The following LRMDA variants were observed in gnomAD, a reference collection of about 807,000 sequenced individuals.
LRMDA encodes leucine rich melanocyte differentiation associated, also known as leucine-rich melanocyte differentiation-associated protein.
Under a neutral mutation model 29.8 loss-of-function variants are expected in LRMDA, and 18 were observed. That is an observed-to-expected ratio of 0.60 (90% CI 0.42 to 0.90). The LOEUF (loss-of-function observed/expected upper bound fraction) is 0.90. LRMDA is among the 40% of genes least tolerant of loss of function. The probability of loss-of-function intolerance (pLI) is 0.00; values close to 1 mark genes in which losing one functional copy is unlikely to be tolerated. For missense variants in LRMDA, 273 were observed against 273.9 expected (o/e 1.00, Z 0.02); for synonymous variants, 125 against 109.4 (o/e 1.14, Z -0.89).
At chr10:75,936,962 T>C (rs1297333425) in intron 2 of LRMDA, among the ~76,000 whole-genome samples, 1 of 152,236 alleles carries the variant, frequency 6.6e-6, no homozygotes, top group Non-Finnish European at 1.5e-5. Flanking sequence ...TTTTGGTTTA[T>C]TCTCATCTAA....
chr10:76,160,172 T>C (rs1850618109), intron 5 of LRMDA, among the ~76,000 whole-genome samples: 1 of 151,978 alleles, frequency 6.6e-6, no homozygotes, highest in African/African-American at 2.4e-5. Flanking sequence ...TTCTCAATTT[T>C]GCTTTCGAAT....
intron 2 of LRMDA, among the ~76,000 whole-genome samples, chr10:75,497,508 G>A (rs1276940124): frequency 6.7e-6 from 1 of 150,260 alleles, no homozygotes; most frequent in African/African-American, 2.5e-5. Context: ...ACCATTCTGT[G>A]AGTTTTGATA....
chr10:76,163,092 G>A (rs1589358605), intron 5 of LRMDA, among the ~76,000 whole-genome samples: 2 of 152,302 alleles, frequency 1.3e-5, no homozygotes, highest in African/African-American at 4.8e-5. Flanking sequence ...TGTGACAATA[G>A]TGACATTATT....
At chr10:76,041,323 T>C (rs943727552) in intron 3 of LRMDA, among the ~76,000 whole-genome samples, 12 of 152,218 alleles carry the variant, frequency 7.9e-5, no homozygotes, top group Non-Finnish European at 1.3e-4. Flanking sequence ...TGCTTTTGTG[T>C]TAGGAAATTA....
At chr10:76,297,890 C>G (rs1276006833) in intron 5 of LRMDA, among the ~76,000 whole-genome samples, 1 of 152,224 alleles carries the variant, frequency 6.6e-6, no homozygotes, top group African/African-American at 2.4e-5. Context: ...CAAATGTTTA[C>G]TTATCCAGGT....
chr10:76,281,350 G>A (rs1840201802), intron 5 of LRMDA, among the ~76,000 whole-genome samples: 2 of 152,208 alleles, frequency 1.3e-5, no homozygotes, highest in South Asian at 4.1e-4. Flanking sequence ...GGCAGTGACA[G>A]GTTGAGAATA....
intron 2 of LRMDA, among the ~76,000 whole-genome samples, chr10:75,978,513 A>G (rs1441772883): frequency 6.6e-6 from 1 of 152,206 alleles, no homozygotes; most frequent in Non-Finnish European, 1.5e-5. Flanking sequence ...AGCCACAGCT[A>G]GCTGAAAGGA....
At chr10:75,650,238 T>G (rs988791093) in intron 2 of LRMDA, among the ~76,000 whole-genome samples, 7 of 152,148 alleles carry the variant, frequency 4.6e-5, no homozygotes, top group African/African-American at 1.7e-4. Context: ...TTCTAAAAGT[T>G]TTATCGTTTT....
At chr10:76,438,549 T>G (rs1490576408) in intron 6 of LRMDA, 2 of 152,126 alleles carry the variant, frequency 1.3e-5, no homozygotes, top group Non-Finnish European at 2.9e-5. Flanking sequence ...TGGCCAAGTA[T>G]CATTTCAGGT....
chr10:75,859,821 G>A (rs759988875), intron 2 of LRMDA, among the ~76,000 whole-genome samples: 7 of 152,088 alleles, frequency 4.6e-5, no homozygotes, highest in Non-Finnish European at 7.4e-5. Context: ...CCTTTTGGCT[G>A]TAAACATATT....
At chr10:76,090,162 C>T (rs757002321) in intron 5 of LRMDA, among the ~76,000 whole-genome samples, 15 of 152,086 alleles carry the variant, frequency 9.9e-5, no homozygotes, top group Non-Finnish European at 1.8e-4. Context: ...TCTCAGGGGT[C>T]GGTGCAGCCC....
At chr10:76,021,095 A>G (rs1244065068) in intron 2 of LRMDA, among the ~76,000 whole-genome samples, 3 of 152,226 alleles carry the variant, frequency 2.0e-5, no homozygotes, top group Admixed American at 6.5e-5. Flanking sequence ...TTAATTGTCA[A>G]GGAGACAAGA....
chr10:76,510,464 A>C (rs1026977628), intron 6 of LRMDA, among the ~76,000 whole-genome samples: 3 of 152,162 alleles, frequency 2.0e-5, no homozygotes, highest in Admixed American at 6.5e-5. Context: ...CAAAAAGCAG[A>C]AAAATGAGCC....
chr10:76,133,326 T>TGTTG (rs1850033792), intron 5 of LRMDA, among the ~76,000 whole-genome samples: 1 of 152,138 alleles, frequency 6.6e-6, no homozygotes. Context: ...TTTCCTTGTA[T>TGTTG]GCAGGTAGCA....
intron 2 of LRMDA, among the ~76,000 whole-genome samples, chr10:75,446,372 T>C (rs1018538580): frequency 1.3e-5 from 2 of 152,228 alleles, no homozygotes; most frequent in Non-Finnish European, 2.9e-5. Context: ...AAGATGGTGC[T>C]AGTGAGGCTA....
At chr10:75,993,063 C>G (rs554633624) in intron 2 of LRMDA, among the ~76,000 whole-genome samples, 11 of 152,212 alleles carry the variant, frequency 7.2e-5, no homozygotes, top group Non-Finnish European at 1.3e-4. Context: ...TGGAAGGGCT[C>G]CCTCTCAGCC....
At chr10:76,551,575 T>C (rs1435388364) in intron 6 of LRMDA, among the ~76,000 whole-genome samples, 2 of 152,216 alleles carry the variant, frequency 1.3e-5, no homozygotes, top group African/African-American at 2.4e-5. Context: ...TTGAAGGGCT[T>C]ACAACTTCAG....
chr10:75,490,376 G>C (rs369724175), intron 2 of LRMDA, among the ~76,000 whole-genome samples: 59 of 142,464 alleles, frequency 4.1e-4, no homozygotes, highest in Non-Finnish European at 6.6e-4. Context: ...CACACACACA[G>C]AGTCAACTTC....
intron 6 of LRMDA, among the ~76,000 whole-genome samples, chr10:76,330,477 G>A (rs1277790038): frequency 2.6e-5 from 4 of 152,190 alleles, no homozygotes; most frequent in Non-Finnish European, 2.9e-5. Flanking sequence ...CCTCTGAAAT[G>A]AGAGTCTTCA....
Sources: allele counts gnomAD v4.1 joint callset (sites outside exome capture counted in the v4.1 genomes callset), GRCh38; gene constraint gnomAD v4.1.1; transcripts MANE v1.5; gene names NCBI Gene and HGNC (gene_info 2026-07-23, HGNC 2026-07-21).